RAB7B: variants seen among roughly 807,000 people sequenced by gnomAD.
RAB7B encodes RAB7B, member RAS oncogene family, also known as ras-related protein Rab-7b.
intron 1 of RAB7B, among the ~76,000 whole-genome samples, chr1:205,994,845 A>G (rs1027296596): frequency 6.6e-6 from 1 of 152,212 alleles, no homozygotes; most frequent in Non-Finnish European, 1.5e-5. Context: ...TGGTTAAATC[A>G]TAGCACACAA....
intron 5 of RAB7B, among the ~76,000 whole-genome samples, chr1:205,980,867 C>T (rs1249712878): frequency 7.3e-6 from 1 of 137,494 alleles, no homozygotes; most frequent in East Asian, 2.5e-4. Context: ...TCCCCTTCCC[C>T]TCCCCCTTCC....
intron 4 of RAB7B, among the ~76,000 whole-genome samples, chr1:205,989,171 A>T (rs1175413676): frequency 6.6e-6 from 1 of 150,962 alleles, no homozygotes; most frequent in Non-Finnish European, 1.5e-5. Context: ...CATCCTCTCC[A>T]GGGACCTCCC....
At chr1:205,982,392 C>G (rs1463903988) in intron 5 of RAB7B, among the ~76,000 whole-genome samples, 1 of 152,146 alleles carries the variant, frequency 6.6e-6, no homozygotes, top group Non-Finnish European at 1.5e-5. Flanking sequence ...CAGCTCTATC[C>G]TCTCACACCT....
chr1:205,990,791 C>CTTTTTTT lies in RAB7B; in HGVS notation c.396+1682_396+1688dup, dbSNP rs1188419083. 1.1e-4 allele frequency among the ~76,000 whole-genome samples: 15 copies of CTTTTTTT among 138,608 alleles called. 1 individual carries two copies. Among genetic ancestry groups the CTTTTTTT allele is most frequent in the Non-Finnish European group, 1.4e-4 (9 of 65,502 alleles). The allele number at this position is 138,608 out of a possible 152,430, so 90.9% of individuals were successfully genotyped here. A position where few individuals can be genotyped will look rare whatever the true frequency, so the allele number is the denominator to read the frequency against. On this transcript the variant is annotated intron_variant, in intron 4 of 5. Transcript: ENST00000617070. Reference sequence around the variant, plus strand: ...TGCAAGACTGTCTTTTTCTTTCTTTCTTTTTTTTTTTTTTGAGATGAAGTC... The same window carrying CTTTTTTT: ...TGCAAGACTGTCTTTTTCTTTCTTTCTTTTTTTTTTTTTTTTTTTTTGAGATGAAGTC...
At chr1:205,989,950 C>A (rs1311108906) in intron 4 of RAB7B, among the ~76,000 whole-genome samples, 2 of 152,156 alleles carry the variant, frequency 1.3e-5, no homozygotes, top group Non-Finnish European at 2.9e-5. Flanking sequence ...GTTTCTTAAG[C>A]CTCGTATTGG....
chr1:205,996,142 T>TTGTG (rs1660809583), intron 1 of RAB7B, among the ~76,000 whole-genome samples: 9 of 89,590 alleles, frequency 1.0e-4, no homozygotes, highest in Admixed American at 7.3e-4. Flanking sequence ...TGTAAATGTA[T>TTGTG]AGTGTGTGTG....
In RAB7B at chr1:205,976,745, A is replaced by G. The variant is rs1376124496; in HGVS notation, c.*2106T>C. On this transcript the variant is annotated 3_prime_UTR_variant, in exon 6 of 6. Transcript: ENST00000617070. ...AATCTAAGTCGCACAAAAGATAAAA[A>G]CAAAGAAGGACACATTTATTATTTG... The G allele has an allele frequency of 1.3e-5, 2 of 152,242 alleles. No individual in the cohort carries two copies. Among genetic ancestry groups the G allele is most frequent in the African/African-American group, 4.8e-5 (2 of 41,462 alleles). The allele number at this position is 152,242 out of a possible 1,614,324, so 9.4% of individuals were successfully genotyped here.
chr1:205,983,461 G>A lies in RAB7B; in HGVS notation c.522+2079C>T, dbSNP rs1045782142. ...CCCCCCACAGCACTCATGTCACTCC[G>A]GGACAGTCACTTATGGATGTCTCAC... On this transcript the variant is annotated intron_variant, in intron 5 of 5. Coordinates refer to ENST00000617070, the MANE Select transcript of RAB7B (RefSeq NM_001164522.3). Among the ~76,000 whole-genome samples the A allele has an allele frequency of 1.0e-2, 1,515 of 152,236 alleles. 22 individuals are homozygous for A. The highest frequency in any genetic ancestry group is 0.035 in the African/African-American group (1,457 of 41,518).
intron 4 of RAB7B, among the ~76,000 whole-genome samples, chr1:205,987,790 T>C (rs1233111073): frequency 4.6e-5 from 7 of 152,216 alleles, no homozygotes; most frequent in Non-Finnish European, 8.8e-5. Flanking sequence ...GATTTTTTTT[T>C]AAACTAAATC....
intron 4 of RAB7B, among the ~76,000 whole-genome samples, chr1:205,990,313 C>T (rs1247936462): frequency 2.0e-5 from 3 of 152,180 alleles, no homozygotes; most frequent in African/African-American, 7.2e-5. Flanking sequence ...CAGTTAAGGA[C>T]TCATCTCTAG....
chr1:205,988,779 C>T (rs1204070498), intron 4 of RAB7B, among the ~76,000 whole-genome samples: 1 of 152,294 alleles, frequency 6.6e-6, no homozygotes, highest in Non-Finnish European at 1.5e-5. Context: ...GGCTGTGAGT[C>T]CACATCTGCG....
At position 205,985,633 on chromosome 1, in the gene RAB7B, T is replaced by C. The variant is rs1156245522; in HGVS notation, c.429A>G (p.Arg143=). ...VPQEVAQGWC[R]EKDIPYFEVS... ...CTTCAAAGTAAGGAATATCTTTCTCTCTACACCAGCCTTGAGCTACTTCCT... is the reference window on the plus strand; with the variant it reads ...CTTCAAAGTAAGGAATATCTTTCTCCCTACACCAGCCTTGAGCTACTTCCT... The change falls in exon 5 of 6, where the codon AGA becomes AGG. Residue 143 remains arginine (R), a synonymous_variant. Coordinates refer to ENST00000617070, the MANE Select transcript of RAB7B (RefSeq NM_001164522.3). The C allele has an allele frequency of 5.0e-6, 2 of 399,626 alleles. No individual in the cohort carries two copies. Among genetic ancestry groups the C allele is most frequent in the East Asian group, 7.1e-5 (2 of 28,090 alleles). 24.8% of individuals were successfully genotyped at this position (399,626 alleles called of 1,614,324 possible). A position where few individuals can be genotyped will look rare whatever the true frequency, so the allele number is the denominator to read the frequency against.
intron 1 of RAB7B, among the ~76,000 whole-genome samples, chr1:205,995,469 GT>G (rs1425399059): frequency 6.6e-6 from 1 of 152,186 alleles, no homozygotes; most frequent in African/African-American, 2.4e-5. Flanking sequence ...TTTGTTCACA[GT>G]AGCCAAGATA....
chr1:205,991,877 C>T (rs1418135247), intron 4 of RAB7B, among the ~76,000 whole-genome samples: 2 of 152,204 alleles, frequency 1.3e-5, no homozygotes, highest in East Asian at 1.9e-4. Flanking sequence ...TAATGGTAAA[C>T]GCCTACACAA....
At chr1:205,992,103 G>T (rs2102639854) in intron 4 of RAB7B, among the ~76,000 whole-genome samples, 1 of 152,264 alleles carries the variant, frequency 6.6e-6, no homozygotes, top group Admixed American at 6.5e-5. Flanking sequence ...TACATCTGAT[G>T]CCTTAACTCC....
chr1:205,978,980 C>T (rs994619877), intron 5 of RAB7B, 52 bp from the exon 6 acceptor site: 22 of 398,290 alleles, frequency 5.5e-5, no homozygotes, highest in African/African-American at 1.8e-4. Flanking sequence ...CAGAGTGCAC[C>T]GCCCGCCCTT....
chr1:205,984,730 C>T (rs1196428264), intron 5 of RAB7B, among the ~76,000 whole-genome samples: 1 of 152,210 alleles, frequency 6.6e-6, no homozygotes, highest in African/African-American at 2.4e-5. Flanking sequence ...AATGTCATTG[C>T]CCCTTTCTGT....
At position 205,985,773 on chromosome 1, in the gene RAB7B, C is replaced by CCCCACCAGGCCCACCAGG. The variant is rs1660587405; in HGVS notation, c.397-109_397-108insCCTGGTGGGCCTGGTGGG. On this transcript the variant is annotated intron_variant, in intron 4 of 5. Transcript: ENST00000617070. ...CCATCAGGCCCACCATCCCCACCAT[C>CCCCACCAGGCCCACCAGG]CCCATCATCCCCACCAGGCCCACCA... The CCCCACCAGGCCCACCAGG allele has an allele frequency of 1.8e-3, 385 of 208,204 alleles. 26 individuals carry two copies. The highest frequency in any genetic ancestry group is 6.0e-3 in the East Asian group (87 of 14,518). 12.9% of individuals were successfully genotyped at this position (208,204 alleles called of 1,614,324 possible).
intron 1 of RAB7B, among the ~76,000 whole-genome samples, chr1:205,995,502 T>C (rs1464024288): frequency 6.6e-6 from 1 of 152,228 alleles, no homozygotes; most frequent in Admixed American, 6.5e-5. Flanking sequence ...TAAGTGTCCA[T>C]CAATGGATGA....
Sources: allele counts gnomAD v4.1 joint callset (sites outside exome capture counted in the v4.1 genomes callset), GRCh38; gene constraint gnomAD v4.1.1; transcripts MANE v1.5; gene names NCBI Gene and HGNC (gene_info 2026-07-23, HGNC 2026-07-21).